FGF18: variants seen among roughly 807,000 people sequenced by gnomAD.
FGF18 encodes fibroblast growth factor 18.
FGF18 carries 5 observed loss-of-function variants against 23.0 expected under a neutral mutation model. That is an observed-to-expected ratio of 0.22 (90% CI 0.11 to 0.46). The LOEUF is 0.46. Among genes scored for constraint, FGF18 ranks in the 20% least tolerant of loss-of-function variants. FGF18 has a pLI of 0.99. For synonymous variants in FGF18, 117 were observed against 118.9 expected (o/e 0.98, Z 0.10); for missense variants, 180 against 291.6 (o/e 0.62, Z 2.79).
At chr5:171,425,458 T>C (rs945575473) in intron 2 of FGF18, among the ~76,000 whole-genome samples, 1 of 151,650 alleles carries the variant, frequency 6.6e-6, no homozygotes, top group African/African-American at 2.4e-5. Flanking sequence ...TGACCTCAGG[T>C]GATCCACCCG....
chr5:171,455,073 C>T lies in FGF18; in HGVS notation c.358-1466C>T, dbSNP rs890592750. 5.9e-5 allele frequency among the ~76,000 whole-genome samples: 9 copies of T among 152,170 alleles called. No individual in the cohort carries two copies. In the East Asian group the frequency reaches 1.5e-3, roughly 26 times the overall value. On this transcript the variant is annotated intron_variant, in intron 4 of 4. Transcript: ENST00000274625. ...TCTCTATGATGCAGGAGTCATTGTT[C>T]CCATTAGGTAGGTGAGGAATTTGAG...
At chr5:171,449,051 C>A in intron 3 of FGF18, 96 bp from the exon 4 acceptor site, 2 of 896,550 alleles carry the variant, frequency 2.2e-6, no homozygotes, top group East Asian at 2.6e-5. Flanking sequence ...GAGTGAGGGA[C>A]CAAAGATAGG....
intron 2 of FGF18, among the ~76,000 whole-genome samples, chr5:171,422,164 G>T (rs956838028): frequency 6.6e-6 from 1 of 152,162 alleles, no homozygotes; most frequent in Non-Finnish European, 1.5e-5. Flanking sequence ...GGGCTGCTGT[G>T]TGGTCTTTGT....
intron 3 of FGF18, among the ~76,000 whole-genome samples, chr5:171,445,118 A>G (rs918316275): frequency 2.0e-5 from 3 of 152,048 alleles, no homozygotes; most frequent in African/African-American, 7.2e-5. Flanking sequence ...ATGAGGAGCC[A>G]CTCTGGAAGC....
intron 2 of FGF18, among the ~76,000 whole-genome samples, chr5:171,421,275 G>T (rs999765455): frequency 6.6e-6 from 1 of 152,204 alleles, no homozygotes. Context: ...GAGCGAAAAA[G>T]GGAGCCGACT....
chr5:171,443,501 ATTTTTTTTT>A (rs59576538), intron 3 of FGF18, among the ~76,000 whole-genome samples: 3 of 63,742 alleles, frequency 4.7e-5, no homozygotes, highest in East Asian at 6.9e-4. Flanking sequence ...TGTTATCATC[ATTTTTTTTT>A]TTTTTTTTTT....
intron 2 of FGF18, among the ~76,000 whole-genome samples, chr5:171,421,823 A>G (rs1030637623): frequency 1.4e-5 from 2 of 142,400 alleles, no homozygotes; most frequent in Admixed American, 1.4e-4. Context: ...ATATAACTGG[A>G]GTCAGTAACT....
rs1217256632 is a variant in FGF18 at position 171,456,797 on chromosome 5, C to A, written c.616C>A (p.Pro206Thr). 6.2e-7 allele frequency: 1 copy of A among 1,607,362 alleles called. No homozygotes were observed. Residue 206 changes from proline to threonine, a missense_variant, in exon 5 of 5, where the codon CCT becomes ACT. Transcript: ENST00000274625. This position sits in a 1 kb window ranked among gnomAD's most constrained non-coding sequence, Gnocchi z 6.1. ...KRSRRIRPTH[P>T]A is the part of the protein sequence containing the mutation. Reference sequence around the variant, plus strand: ...GTCCCGTCGGATCCGGCCCACACACCCTGCCTAGGCCACCCCGCCGCGGCC... The same window carrying A: ...GTCCCGTCGGATCCGGCCCACACACACTGCCTAGGCCACCCCGCCGCGGCC...
intron 3 of FGF18, among the ~76,000 whole-genome samples, chr5:171,443,492 G>C (rs1264288360): frequency 1.1e-5 from 1 of 89,668 alleles, no homozygotes; most frequent in African/African-American, 4.5e-5. Flanking sequence ...AGTATTCACT[G>C]TTATCATCAT....
At chr5:171,424,346 A>G (rs1027296650) in intron 2 of FGF18, among the ~76,000 whole-genome samples, 5 of 152,216 alleles carry the variant, frequency 3.3e-5, no homozygotes, top group South Asian at 2.1e-4. Context: ...GATTTGCATG[A>G]AGGAAAAAGA....
At chr5:171,432,497 C>T (rs1272028675) in intron 2 of FGF18, among the ~76,000 whole-genome samples, 1 of 152,154 alleles carries the variant, frequency 6.6e-6, no homozygotes, top group Non-Finnish European at 1.5e-5. Flanking sequence ...CAACCTCTGC[C>T]TCCCAGTTTC....
intron 4 of FGF18, among the ~76,000 whole-genome samples, chr5:171,450,725 CG>C (rs1731011413): frequency 6.6e-6 from 1 of 151,962 alleles, no homozygotes; most frequent in African/African-American, 2.4e-5. Context: ...GGGTCGGGGC[CG>C]GGGCCGGGGC....
intron 3 of FGF18, among the ~76,000 whole-genome samples, chr5:171,441,999 A>C (rs1772353246): frequency 6.6e-6 from 1 of 152,056 alleles, no homozygotes; most frequent in South Asian, 2.1e-4. Context: ...AGCTTCCCCC[A>C]GCAGGTCTCC....
intron 2 of FGF18, among the ~76,000 whole-genome samples, chr5:171,426,854 T>C (rs963588121): frequency 3.9e-5 from 6 of 152,222 alleles, no homozygotes; most frequent in African/African-American, 1.4e-4. Context: ...TCTGCAAATA[T>C]TCCTTAACCT....
intron 4 of FGF18, among the ~76,000 whole-genome samples, chr5:171,455,665 G>A (rs1581282184): frequency 1.3e-5 from 2 of 152,300 alleles, no homozygotes; most frequent in South Asian, 4.1e-4. Flanking sequence ...TGATAAAGTG[G>A]CTGCCTCTGC....
At chr5:171,426,325 C>T (rs918114407) in intron 2 of FGF18, among the ~76,000 whole-genome samples, 2 of 152,180 alleles carry the variant, frequency 1.3e-5, no homozygotes, top group African/African-American at 4.8e-5. Context: ...GTGTTGATTT[C>T]TCCTTTCTGT....
intron 2 of FGF18, among the ~76,000 whole-genome samples, chr5:171,422,082 G>A (rs1030026163): frequency 3.3e-5 from 5 of 152,154 alleles, no homozygotes; most frequent in Non-Finnish European, 5.9e-5. Flanking sequence ...GTAGCAGGGA[G>A]GCCTGCGGAT....
intron 3 of FGF18, among the ~76,000 whole-genome samples, chr5:171,446,199 C>T (rs139180705): frequency 6.6e-6 from 1 of 152,338 alleles, no homozygotes; most frequent in Non-Finnish European, 1.5e-5. Context: ...GACGGCCAGG[C>T]GCAGACCCTC....
chr5:171,456,643 C>A lies in FGF18; in HGVS notation c.462C>A (p.Thr154=). 6.2e-7 allele frequency: 1 copy of A among 1,614,092 alleles called. No individual in the cohort carries two copies. The highest frequency in any genetic ancestry group is 8.5e-7 in the Non-Finnish European group (1 of 1,180,008). ...ACTCCGGCTGGTACGTGGGCTTCAC[C>A]AAGAAGGGGCGGCCGCGGAAGGGCC... ...AKYSGWYVGF[T]KKGRPRKGPK... Residue 154 remains threonine, a synonymous_variant, in exon 5 of 5, where the codon ACC becomes ACA. Coordinates refer to ENST00000274625, the MANE Select transcript of FGF18 (RefSeq NM_003862.3). This position sits in a 1 kb window ranked among gnomAD's most constrained non-coding sequence, Gnocchi z 6.1.
Sources: allele counts gnomAD v4.1 joint callset (sites outside exome capture counted in the v4.1 genomes callset), GRCh38; gene constraint gnomAD v4.1.1; non-coding constraint Gnocchi (gnomAD v3.1); transcripts MANE v1.5; gene names NCBI Gene and HGNC (gene_info 2026-07-23, HGNC 2026-07-21).